Variants in FER1L6 observed in about 807,000 individuals in gnomAD.
FER1L6 encodes fer-1 like family member 6, also known as fer-1-like protein 6.
In FER1L6, 177 loss-of-function variants were observed where a neutral mutation model predicts 219.2. The observed-to-expected ratio is 0.81, with a 90% CI of 0.71 to 0.91. The LOEUF is 0.91. Among genes scored for constraint, FER1L6 ranks in the 40% least tolerant of loss-of-function variants. FER1L6 has a pLI of 0.00. For synonymous variants in FER1L6, 768 were observed against 824.3 expected (o/e 0.93, Z 1.17); for missense variants, 2,153 against 2,259.9 (o/e 0.95, Z 0.96).
At chr8:123,865,583 G>A (rs1816821765) in intron 1 of FER1L6, among the ~76,000 whole-genome samples, 1 of 151,292 alleles carries the variant, frequency 6.6e-6, no homozygotes, top group Non-Finnish European at 1.5e-5. Context: ...CCCCAGCCTC[G>A]CTGCCACCTT....
chr8:123,999,570 G>A (rs916364751), intron 12 of FER1L6, among the ~76,000 whole-genome samples: 11 of 152,318 alleles, frequency 7.2e-5, no homozygotes, highest in South Asian at 6.2e-4. Context: ...GGCTGAGGCC[G>A]GAGAATTGCC....
rs1213712702 is a variant in FER1L6, at chr8:124,103,316, G to A, written c.5289+7G>A. The A allele has an allele frequency of 5.6e-6, 9 of 1,613,338 alleles. No homozygotes were observed. The highest frequency in any genetic ancestry group is 1.3e-5 in the African/African-American group (1 of 75,014). Reference sequence around the variant, plus strand: ...TAAAAGCAAAGAACTCACAGTAAGTGACAGCTATGGGAGGTGGAGGAGATG... The same window carrying A: ...TAAAAGCAAAGAACTCACAGTAAGTAACAGCTATGGGAGGTGGAGGAGATG... On this transcript the variant is annotated splice_region_variant and intron_variant, in intron 39 of 40. Coordinates refer to ENST00000522917, the MANE Select transcript of FER1L6 (RefSeq NM_001039112.2).
intron 33 of FER1L6, among the ~76,000 whole-genome samples, chr8:124,084,639 T>C (rs1821709440): frequency 6.6e-6 from 1 of 152,190 alleles, no homozygotes; most frequent in Non-Finnish European, 1.5e-5. Context: ...ATGATCATTT[T>C]AACATGATGT....
chr8:124,076,119 T>C (rs1821275372), intron 31 of FER1L6, 79 bp from the exon 32 acceptor site: 3 of 1,561,406 alleles, frequency 1.9e-6, no homozygotes, highest in Admixed American at 1.8e-5. Context: ...TTAGCATTTT[T>C]GAAAGCACCA....
intron 18 of FER1L6, among the ~76,000 whole-genome samples, chr8:124,025,913 T>A (rs1818688273): frequency 2.6e-5 from 4 of 152,238 alleles, no homozygotes; most frequent in Admixed American, 2.6e-4. Flanking sequence ...GTCCATGGCA[T>A]CTTCTCACAT....
rs757532460 is a variant in FER1L6, at chr8:123,966,304, G to T, written c.384+14G>T. The T allele has an allele frequency of 1.9e-6, 3 of 1,613,770 alleles. No homozygotes were observed. In the South Asian group the frequency reaches 3.3e-5, roughly 18 times the overall value. On this transcript the variant is annotated intron_variant, in intron 5 of 40. Coordinates refer to ENST00000522917, the MANE Select transcript of FER1L6 (RefSeq NM_001039112.2). ...TTTTATAATGAAGTAAGTCATGGAG[G>T]TCACCCACAGCTTTTGCACTAAGAT... is the stretch of plus-strand genomic sequence containing the variant.
chr8:123,998,037 A>T (rs1817216063), intron 12 of FER1L6, among the ~76,000 whole-genome samples: 1 of 152,146 alleles, frequency 6.6e-6, no homozygotes, highest in Non-Finnish European at 1.5e-5. Context: ...TGGTGAGCTC[A>T]TGTTTTCCTG....
intron 1 of FER1L6, among the ~76,000 whole-genome samples, chr8:123,916,503 A>C (rs1185454931): frequency 6.6e-6 from 1 of 152,182 alleles, no homozygotes; most frequent in African/African-American, 2.4e-5. Flanking sequence ...AATTTTTAGA[A>C]GAGGATAATG....
chr8:123,924,903 T>C (rs777945271), intron 1 of FER1L6: 2 of 152,216 alleles, frequency 1.3e-5, no homozygotes, highest in Non-Finnish European at 2.9e-5. Flanking sequence ...GATGGTGTAA[T>C]GTTAATAGAA....
chr8:124,068,622 G>A (rs927294242), intron 28 of FER1L6, among the ~76,000 whole-genome samples: 3 of 152,224 alleles, frequency 2.0e-5, no homozygotes, highest in Admixed American at 2.0e-4. Context: ...TAATGGATCT[G>A]ACAGAGTGTG....
chr8:123,865,512 G>C (rs1194170426), intron 1 of FER1L6, among the ~76,000 whole-genome samples: 4 of 151,486 alleles, frequency 2.6e-5, no homozygotes, highest in African/African-American at 9.8e-5. Context: ...GCTCCACCCA[G>C]TTTGAGCTTC....
chr8:123,913,660 G>C (rs1159287224), intron 1 of FER1L6, among the ~76,000 whole-genome samples: 1 of 152,160 alleles, frequency 6.6e-6, no homozygotes, highest in Non-Finnish European at 1.5e-5. Context: ...GATGAGTGGG[G>C]ACTGTGGAGT....
At chr8:124,055,561 C>T (rs1360453034) in intron 22 of FER1L6, among the ~76,000 whole-genome samples, 7 of 152,148 alleles carry the variant, frequency 4.6e-5, no homozygotes, top group African/African-American at 7.2e-5. Flanking sequence ...TTAGAACACT[C>T]GTTTCCCCTA....
chr8:123,977,394 T>A, intron 9 of FER1L6, 23 bp from the exon 10 acceptor site: 1 of 1,605,418 alleles, frequency 6.2e-7, no homozygotes, highest in Non-Finnish European at 8.5e-7. Flanking sequence ...CCATGACTCA[T>A]GTCCTCCTGG....
At chr8:123,882,861 G>A (rs192854524) in intron 1 of FER1L6, among the ~76,000 whole-genome samples, 36 of 152,226 alleles carry the variant, frequency 2.4e-4, no homozygotes, top group Middle Eastern at 3.4e-3. Flanking sequence ...AGAGTGAACC[G>A]TAATAAAAAC....
At chr8:123,964,426 T>A (rs1053832343) in intron 3 of FER1L6, among the ~76,000 whole-genome samples, 4 of 152,128 alleles carry the variant, frequency 2.6e-5, no homozygotes, top group African/African-American at 9.7e-5. Flanking sequence ...GATGGCAGGG[T>A]ACATATATGT....
chr8:124,006,744 C>T (rs139144642), intron 13 of FER1L6, among the ~76,000 whole-genome samples: 1 of 152,308 alleles, frequency 6.6e-6, no homozygotes, highest in East Asian at 1.9e-4. Context: ...GCCATTTAGA[C>T]TGGCAGTCTC....
intron 33 of FER1L6, among the ~76,000 whole-genome samples, chr8:124,088,292 CCCCATGGCCACCACTGCCCCAGT>C (rs1201458163): frequency 6.6e-6 from 1 of 152,100 alleles, no homozygotes; most frequent in East Asian, 1.9e-4. Context: ...AGGGGTCTCT[CCCCATGGCCACCACTGCCCCAGT>C]CCCATGGTGA....
chr8:124,052,740 G>A (rs1318729476), intron 22 of FER1L6, among the ~76,000 whole-genome samples: 1 of 152,216 alleles, frequency 6.6e-6, no homozygotes, highest in Non-Finnish European at 1.5e-5. Flanking sequence ...AGCCGAGATC[G>A]TGTCACTGCA....
Sources: gnomAD v4.1 joint callset for allele counts (sites outside exome capture counted in the v4.1 genomes callset) on GRCh38, gnomAD v4.1.1 for gene constraint, MANE v1.5 for transcripts, NCBI Gene and HGNC (gene_info 2026-07-23, HGNC 2026-07-21) for gene names.